Variants in RUNX1 observed in about 807,000 individuals in gnomAD.
RUNX1 encodes the protein RUNX family transcription factor 1, also known as runt-related transcription factor 1.
RUNX1 carries 19 observed loss-of-function variants against 42.8 expected under a neutral mutation model. That is an observed-to-expected ratio of 0.44 (90% CI 0.31 to 0.65). RUNX1 has a LOEUF of 0.65. Among genes scored for constraint, RUNX1 ranks in the 30% least tolerant of loss-of-function variants. RUNX1 has a pLI of 0.07. For synonymous variants in RUNX1, 271 were observed against 289.4 expected, an observed-to-expected ratio of 0.94 and a Z score of 0.64; for missense variants, 528 against 672.0, an observed-to-expected ratio of 0.79 and a Z score of 2.37.
intron 2 of RUNX1, among the ~76,000 whole-genome samples, chr21:34,998,456 G>T (rs2146862544): frequency 6.6e-6 from 1 of 152,182 alleles, no homozygotes; most frequent in South Asian, 2.1e-4. Flanking sequence ...TTGGCTTTGG[G>T]CAACATGAAA....
chr21:34,971,911 T>C lies in RUNX1; in HGVS notation c.58+76931A>G, dbSNP rs564429939. 1.1e-3 allele frequency among the ~76,000 whole-genome samples: 175 copies of C among 152,326 alleles called. 2 individuals are homozygous for C. The highest frequency in any genetic ancestry group is 3.9e-3 in the African/African-American group (164 of 41,588). On this transcript the variant is annotated intron_variant, in intron 2 of 8. Coordinates refer to ENST00000675419, the MANE Select transcript of RUNX1 (RefSeq NM_001754.5). ...ACCCTGATGAAGCAGTGGATTGCACTGATGTCTTCACTGAGGAATGATCTC... is the reference window on the plus strand; with the variant it reads ...ACCCTGATGAAGCAGTGGATTGCACCGATGTCTTCACTGAGGAATGATCTC...
At chr21:35,038,057 T>C (rs766525979) in intron 2 of RUNX1, among the ~76,000 whole-genome samples, 5 of 152,170 alleles carry the variant, frequency 3.3e-5, no homozygotes, top group Non-Finnish European at 7.4e-5. Context: ...CTTGTACTTA[T>C]TGACTTCCTC....
chr21:35,008,177 T>C (rs1293925403), intron 2 of RUNX1, among the ~76,000 whole-genome samples: 4 of 152,128 alleles, frequency 2.6e-5, no homozygotes, highest in South Asian at 2.1e-4. Flanking sequence ...CCAAAAACTT[T>C]CCCTGCCCCT....
chr21:34,991,950 C>A (rs188453478), intron 2 of RUNX1, among the ~76,000 whole-genome samples: 2 of 152,270 alleles, frequency 1.3e-5, no homozygotes, highest in Admixed American at 6.5e-5. Flanking sequence ...GGAGTGCTGG[C>A]AACTGCTGTA....
At chr21:34,912,153 G>A (rs909792103) in intron 2 of RUNX1, among the ~76,000 whole-genome samples, 4 of 150,594 alleles carry the variant, frequency 2.7e-5, no homozygotes, top group Non-Finnish European at 5.9e-5. Flanking sequence ...CACTTCTTAA[G>A]AATGAATGAA....
At chr21:34,906,941 A>G (rs79999648) in intron 2 of RUNX1, among the ~76,000 whole-genome samples, 1,858 of 152,370 alleles carry the variant, frequency 0.012, 58 homozygotes, top group East Asian at 0.11. Flanking sequence ...TATAAAATGC[A>G]TTAAAGCTCT....
chr21:34,874,351 T>C (rs2057782913), intron 5 of RUNX1, among the ~76,000 whole-genome samples: 1 of 151,834 alleles, frequency 6.6e-6, no homozygotes, highest in African/African-American at 2.4e-5. Context: ...GGCTCACGAC[T>C]GTAATCCCAG....
At chr21:34,793,625 C>A (rs995146999) in intron 8 of RUNX1, among the ~76,000 whole-genome samples, 2 of 152,174 alleles carry the variant, frequency 1.3e-5, no homozygotes, top group Non-Finnish European at 2.9e-5. Context: ...TCATGTACTG[C>A]CTGTGGTTGC....
At chr21:34,834,660 T>A (rs2146077862) in intron 6 of RUNX1, 59 bp from the exon 7 acceptor site, 1 of 1,400,524 alleles carries the variant, frequency 7.1e-7, no homozygotes, top group Non-Finnish European at 1.0e-6. Flanking sequence ...AGGGAAGAGA[T>A]CAGAAAAAGT....
In RUNX1 at chr21:34,791,217, C is replaced by CT. The variant is rs780068987; in HGVS notation, c.*917dup. 4.3e-6 allele frequency: 1 copy of CT among 233,164 alleles called. No homozygotes were observed. Among genetic ancestry groups the CT allele is most frequent in the African/African-American group, 2.2e-5 (1 of 45,316 alleles). 14.4% of individuals were successfully genotyped at this position (233,164 alleles called of 1,614,324 possible). A position where few individuals can be genotyped will look rare whatever the true frequency, so the allele number is the denominator to read the frequency against. On this transcript the variant is annotated 3_prime_UTR_variant, in exon 9 of 9. Coordinates refer to ENST00000675419, the MANE Select transcript of RUNX1 (RefSeq NM_001754.5). The stretch of plus-strand genomic sequence containing the variant: ...TAACCAAGCGATCACATTACTCATT[C>CT]TTTTTTTCTAGCCTTCTTCAATGTG...
chr21:34,840,482 G>T (rs1229084074), intron 6 of RUNX1, among the ~76,000 whole-genome samples: 1 of 152,202 alleles, frequency 6.6e-6, no homozygotes, highest in East Asian at 1.9e-4. Context: ...TACTCCAAGG[G>T]ACTCTAAAAG....
At chr21:34,834,865 C>T (rs952664690) in intron 6 of RUNX1, among the ~76,000 whole-genome samples, 5 of 152,168 alleles carry the variant, frequency 3.3e-5, no homozygotes, top group African/African-American at 1.2e-4. Flanking sequence ...ACCCTCTACA[C>T]CCACTTCCAA....
intron 2 of RUNX1, 35 bp from the exon 3 acceptor site, chr21:34,892,998 G>C: frequency 7.0e-7 from 1 of 1,434,616 alleles, no homozygotes; most frequent in Non-Finnish European, 9.8e-7. Flanking sequence ...TAAAAGTAAT[G>C]CAAGTTTAAA....
intron 2 of RUNX1, among the ~76,000 whole-genome samples, chr21:34,954,337 C>A (rs916155207): frequency 6.6e-6 from 1 of 152,100 alleles, no homozygotes; most frequent in African/African-American, 2.4e-5. Context: ...TATTTGGGAT[C>A]CCTTCTGGGA....
chr21:34,854,584 CAA>C (rs1051862406), intron 6 of RUNX1, among the ~76,000 whole-genome samples: 1 of 123,966 alleles, frequency 8.1e-6, no homozygotes, highest in Non-Finnish European at 1.7e-5. Context: ...GATTTCACCT[CAA>C]AAAAAAAAGA....
rs2146364415 is a variant in RUNX1, at chr21:34,880,732, A to C, written c.352-19T>G. 6.2e-7 allele frequency: 1 copy of C among 1,613,676 alleles called. No individual in the cohort carries two copies. The highest frequency in any genetic ancestry group is 8.5e-7 in the Non-Finnish European group (1 of 1,179,652). On this transcript the variant is annotated intron_variant, in intron 4 of 8. Transcript: ENST00000675419. ...CCACCACCTAAACACCAGTCAAAGG[A>C]CAAATGCAGACATCAGGGATGTTAT...
chr21:34,834,950 G>A (rs569030807), intron 6 of RUNX1, among the ~76,000 whole-genome samples: 66 of 152,216 alleles, frequency 4.3e-4, no homozygotes, highest in African/African-American at 1.5e-3. Flanking sequence ...ATTAATTGTT[G>A]GCACATGGCC....
At chr21:34,977,444 C>T (rs1270231098) in intron 2 of RUNX1, among the ~76,000 whole-genome samples, 3 of 152,336 alleles carry the variant, frequency 2.0e-5, no homozygotes, top group Middle Eastern at 3.4e-3. Flanking sequence ...AGGTACCAAG[C>T]AGTTTGACAA....
At chr21:35,022,856 G>C (rs9983612) in intron 2 of RUNX1, among the ~76,000 whole-genome samples, 151,448 of 151,450 alleles carry the variant, frequency 1, 75,723 homozygotes, top group Non-Finnish European at 1. Flanking sequence ...GATCGCGCCA[G>C]TGCACTCCAG....
Sources: gnomAD v4.1 joint callset for allele counts (sites outside exome capture counted in the v4.1 genomes callset) on GRCh38, gnomAD v4.1.1 for gene constraint, MANE v1.5 for transcripts, NCBI Gene and HGNC (gene_info 2026-07-23, HGNC 2026-07-21) for gene names.